EBF2: variants seen among roughly 807,000 people sequenced by gnomAD.
The protein encoded by EBF2 is transcription factor COE2.
In EBF2, 21 loss-of-function variants were observed where a neutral mutation model predicts 72.8. That is an observed-to-expected ratio of 0.29 (90% CI 0.20 to 0.42). The LOEUF (loss-of-function observed/expected upper bound fraction) is 0.42, where lower values mean the gene tolerates loss of function less well. EBF2 is among the 10% of genes least tolerant of loss of function. EBF2 has a pLI of 1.00. For missense variants in EBF2, 637 were observed against 731.2 expected, an observed-to-expected ratio of 0.87 and a Z score of 1.49; for synonymous variants, 299 against 274.2, an observed-to-expected ratio of 1.09 and a Z score of -0.89.
intron 9 of EBF2, 82 bp downstream of exon 9, chr8:25,887,760 C>T: frequency 2.1e-6 from 3 of 1,411,816 alleles, no homozygotes; most frequent in Non-Finnish European, 2.8e-6. Flanking sequence ...GCTTTTTTAC[C>T]CTTGGTGTTT....
chr8:25,956,067 A>C (rs1400330246), intron 6 of EBF2, among the ~76,000 whole-genome samples: 1 of 152,088 alleles, frequency 6.6e-6, no homozygotes, highest in Non-Finnish European at 1.5e-5. Context: ...TGTGGTACCA[A>C]ATGGGCAGGT....
chr8:26,001,849 C>T (rs1804732177), intron 6 of EBF2, among the ~76,000 whole-genome samples: 1 of 152,068 alleles, frequency 6.6e-6, no homozygotes, highest in African/African-American at 2.4e-5. Flanking sequence ...ACACCCAGCC[C>T]TGCATTTTTA....
At chr8:26,027,078 C>T (rs371878679) in intron 6 of EBF2, among the ~76,000 whole-genome samples, 5 of 152,110 alleles carry the variant, frequency 3.3e-5, no homozygotes, top group Non-Finnish European at 5.9e-5. Context: ...TACCCATTTC[C>T]GAGGAATGGG....
intron 7 of EBF2, among the ~76,000 whole-genome samples, chr8:25,893,326 G>A (rs982161191): frequency 1.5e-5 from 2 of 136,974 alleles, no homozygotes; most frequent in African/African-American, 5.6e-5. Context: ...CTATCACCCA[G>A]GCTGAAGTGC....
intron 10 of EBF2, among the ~76,000 whole-genome samples, chr8:25,882,502 T>G (rs1347416809): frequency 1.3e-5 from 2 of 152,174 alleles, no homozygotes; most frequent in Non-Finnish European, 2.9e-5. Flanking sequence ...GCTTGAAATC[T>G]GCCATGGTGA....
chr8:25,887,629 G>A (rs73225912), intron 9 of EBF2, among the ~76,000 whole-genome samples: 4,244 of 151,792 alleles, frequency 0.028, 93 homozygotes, highest in Non-Finnish European at 0.04. Flanking sequence ...ATTTTTTAAC[G>A]GTGGAGTGAC....
chr8:25,989,647 C>A (rs1804514491), intron 6 of EBF2, among the ~76,000 whole-genome samples: 1 of 152,182 alleles, frequency 6.6e-6, no homozygotes. Flanking sequence ...CCCACATTTA[C>A]AAGTAGTTTA....
intron 7 of EBF2, among the ~76,000 whole-genome samples, chr8:25,903,991 G>A (rs1802995626): frequency 6.6e-6 from 1 of 152,166 alleles, no homozygotes; most frequent in Non-Finnish European, 1.5e-5. Flanking sequence ...GAAGCCAAGA[G>A]AGTGGATGAG....
intron 6 of EBF2, among the ~76,000 whole-genome samples, chr8:25,952,364 T>C (rs977464587): frequency 4.6e-5 from 7 of 152,090 alleles, no homozygotes; most frequent in African/African-American, 1.7e-4. Flanking sequence ...TTGTAATTAT[T>C]TTATTATTTT....
chr8:26,008,196 C>T (rs563111557), intron 6 of EBF2, among the ~76,000 whole-genome samples: 1 of 152,208 alleles, frequency 6.6e-6, no homozygotes, highest in East Asian at 1.9e-4. Flanking sequence ...AGCACACAAC[C>T]TCTCCTCGGC....
intron 11 of EBF2, 67 bp from the exon 12 acceptor site, chr8:25,861,441 A>T (rs1802211698): frequency 6.3e-7 from 1 of 1,574,916 alleles, no homozygotes; most frequent in Non-Finnish European, 8.7e-7. Flanking sequence ...AAAGAAAATT[A>T]TAGGCAAAAA....
At chr8:25,975,256 A>C (rs926518080) in intron 6 of EBF2, among the ~76,000 whole-genome samples, 1 of 152,202 alleles carries the variant, frequency 6.6e-6, no homozygotes, top group African/African-American at 2.4e-5. Context: ...CATGTTTCAA[A>C]TTTTACAGCA....
In EBF2 at chr8:26,044,561, G is replaced by T. The variant is rs1216839044; in HGVS notation, c.131+168C>A. 6.6e-6 allele frequency among the ~76,000 whole-genome samples: 1 copy of T among 152,244 alleles called. No individual in the cohort carries two copies. Reference sequence around the variant, plus strand: ...CCGGCTGCCGGGTGAGCGTTCGCCTGACTGCAGCGATCTGCTTGCCCGAGG... The same window carrying T: ...CCGGCTGCCGGGTGAGCGTTCGCCTTACTGCAGCGATCTGCTTGCCCGAGG... On this transcript the variant is annotated intron_variant, in intron 1 of 15. Coordinates refer to ENST00000520164, the MANE Select transcript of EBF2 (RefSeq NM_022659.4). This position sits in a 1 kb window ranked among gnomAD's most constrained non-coding sequence, Gnocchi z 4.1.
chr8:26,001,326 G>A (rs1162269411), intron 6 of EBF2, among the ~76,000 whole-genome samples: 2 of 152,108 alleles, frequency 1.3e-5, no homozygotes, highest in Non-Finnish European at 2.9e-5. Flanking sequence ...ATGAGACAGA[G>A]GAAGAAAGAG....
intron 6 of EBF2, among the ~76,000 whole-genome samples, chr8:25,923,793 T>C (rs1418075462): frequency 1.3e-5 from 2 of 152,234 alleles, no homozygotes; most frequent in Non-Finnish European, 2.9e-5. Context: ...GAATATTTTC[T>C]AACCCAAGAC....
chr8:25,867,494 G>A (rs565440963), intron 10 of EBF2, among the ~76,000 whole-genome samples: 7 of 152,238 alleles, frequency 4.6e-5, no homozygotes, highest in East Asian at 3.9e-4. Context: ...TACACTGCCC[G>A]GCTTCCTTCC....
intron 14 of EBF2, among the ~76,000 whole-genome samples, chr8:25,855,271 G>T (rs1802064850): frequency 6.6e-6 from 1 of 152,114 alleles, no homozygotes; most frequent in East Asian, 1.9e-4. Context: ...TTGGAGCTAA[G>T]GGGTCTGTCA....
At chr8:26,002,066 G>A (rs902697615) in intron 6 of EBF2, among the ~76,000 whole-genome samples, 1 of 152,148 alleles carries the variant, frequency 6.6e-6, no homozygotes, top group African/African-American at 2.4e-5. Flanking sequence ...AGTATCACCC[G>A]ACTTTAGCAC....
At chr8:25,870,659 C>A (rs1802421748) in intron 10 of EBF2, among the ~76,000 whole-genome samples, 1 of 152,128 alleles carries the variant, frequency 6.6e-6, no homozygotes, top group Non-Finnish European at 1.5e-5. Context: ...AGATTGCAAA[C>A]CACTAGGATA....
Sources: allele counts gnomAD v4.1 joint callset (sites outside exome capture counted in the v4.1 genomes callset), GRCh38; gene constraint gnomAD v4.1.1; non-coding constraint Gnocchi (gnomAD v3.1); transcripts MANE v1.5; gene names NCBI Gene and HGNC (gene_info 2026-07-23, HGNC 2026-07-21).